Variants in DYTN observed in about 807,000 individuals in gnomAD.
The protein encoded by DYTN is dystrotelin.
In DYTN, 75 loss-of-function variants were observed where a neutral mutation model predicts 69.6. That is an observed-to-expected ratio of 1.08 (90% CI 0.89 to 1.31). The LOEUF (loss-of-function observed/expected upper bound fraction) is 1.31. DYTN is among the 50% of genes most tolerant of loss of function. DYTN has a pLI of 0.00. For synonymous variants in DYTN, 252 were observed against 249.1 expected (o/e 1.01, Z -0.11); for missense variants, 726 against 688.4 (o/e 1.05, Z -0.61).
Position 206,697,743 on chromosome 2 carries a change from T to A in DYTN, c.719+1984A>T, listed in dbSNP as rs913026375. Among the ~76,000 whole-genome samples, 15 of 152,318 alleles carry A rather than the reference T, an allele frequency of 9.8e-5. No homozygotes were observed. The East Asian group carries it at 2.5e-3, about 25-fold the overall frequency. ...TAGCTCTTTGTATATAGGACACCTG[T>A]TTATTGCCTTGGATGCATAAGGGGA... On this transcript the variant is annotated intron_variant, in intron 7 of 11. Coordinates refer to ENST00000452335, the MANE Select transcript of DYTN (RefSeq NM_001093730.1).
intron 9 of DYTN, among the ~76,000 whole-genome samples, chr2:206,680,448 C>T (rs1203391574): frequency 1.3e-5 from 2 of 152,120 alleles, no homozygotes; most frequent in Non-Finnish European, 2.9e-5. Context: ...TTACAAACAT[C>T]AATATGTATT....
chr2:206,714,587 C>T (rs1230791830), intron 1 of DYTN, among the ~76,000 whole-genome samples: 6 of 152,140 alleles, frequency 3.9e-5, no homozygotes, highest in African/African-American at 7.2e-5. Context: ...TTCCTGGAGG[C>T]GGAGAGAGGC....
At chr2:206,664,587 A>G (rs553188897) in intron 10 of DYTN, among the ~76,000 whole-genome samples, 1 of 152,284 alleles carries the variant, frequency 6.6e-6, no homozygotes, top group East Asian at 1.9e-4. Context: ...CTTGAGCCCC[A>G]GGAGTTCGAG....
intron 9 of DYTN, among the ~76,000 whole-genome samples, chr2:206,673,846 T>C (rs1198602217): frequency 6.6e-6 from 1 of 152,198 alleles, no homozygotes; most frequent in African/African-American, 2.4e-5. Flanking sequence ...CCCATTCTTT[T>C]GGGACAACAG....
At chr2:206,712,836 A>G (rs1700089838) in intron 1 of DYTN, among the ~76,000 whole-genome samples, 1 of 152,262 alleles carries the variant, frequency 6.6e-6, no homozygotes, top group Admixed American at 6.5e-5. Context: ...AGAGGTGGGT[A>G]CATACCAAAG....
Position 206,689,502 on chromosome 2 carries a change from A to T in DYTN, c.980+3673T>A, listed in dbSNP as rs745892412. ...CATAAGAATGTTATTTTGGGGAACA[A>T]CTCTACTGTACTTGGGGTGGACAGA... On this transcript the variant is annotated intron_variant, in intron 9 of 11. Coordinates refer to ENST00000452335, the MANE Select transcript of DYTN (RefSeq NM_001093730.1). Among the ~76,000 whole-genome samples the T allele has an allele frequency of 3.3e-4, 50 of 152,166 alleles. 1 individual carries two copies. Among genetic ancestry groups the T allele is most frequent in the Non-Finnish European group, 5.6e-4 (38 of 68,016 alleles).
chr2:206,687,732 T>C (rs1303097039), intron 9 of DYTN, among the ~76,000 whole-genome samples: 1 of 152,184 alleles, frequency 6.6e-6, no homozygotes, highest in African/African-American at 2.4e-5. Flanking sequence ...TAGCCAATTA[T>C]GCATTATTTT....
At chr2:206,664,488 C>A (rs1699546098) in intron 10 of DYTN, among the ~76,000 whole-genome samples, 1 of 151,886 alleles carries the variant, frequency 6.6e-6, no homozygotes, top group African/African-American at 2.4e-5. Flanking sequence ...GAGACCCCCT[C>A]CCTACAAAAA....
At chr2:206,658,090 CTT>C (rs763668522) in intron 11 of DYTN, among the ~76,000 whole-genome samples, 8 of 151,840 alleles carry the variant, frequency 5.3e-5, no homozygotes, top group Non-Finnish European at 7.4e-5. Context: ...AATGATCTGT[CTT>C]TGGGTTTGCT....
chr2:206,680,411 T>C (rs1427061832), intron 9 of DYTN, among the ~76,000 whole-genome samples: 1 of 152,204 alleles, frequency 6.6e-6, no homozygotes, highest in Non-Finnish European at 1.5e-5. Flanking sequence ...CCATATCATA[T>C]ACACATCATT....
intron 8 of DYTN, 137 bp downstream of exon 8, chr2:206,694,629 C>A: frequency 3.7e-6 from 2 of 544,146 alleles, no homozygotes; most frequent in Non-Finnish European, 6.0e-6. Flanking sequence ...GTGGAGTTTG[C>A]CACTTGCTTA....
intron 11 of DYTN, among the ~76,000 whole-genome samples, chr2:206,659,465 C>G (rs1034667192): frequency 7.4e-6 from 1 of 135,436 alleles, no homozygotes; most frequent in Non-Finnish European, 1.5e-5. Context: ...TGAGCCACCA[C>G]GCCGGGCCCA....
At chr2:206,683,716 C>A (rs1699776517) in intron 9 of DYTN, among the ~76,000 whole-genome samples, 1 of 152,018 alleles carries the variant, frequency 6.6e-6, no homozygotes, top group South Asian at 2.1e-4. Context: ...TCTTTGAATC[C>A]ATTAAAATTA....
chr2:206,685,696 G>T (rs548505907), intron 9 of DYTN, among the ~76,000 whole-genome samples: 1 of 152,126 alleles, frequency 6.6e-6, no homozygotes, highest in Admixed American at 6.5e-5. Flanking sequence ...CTGGGGAGAG[G>T]AGCCTTCACC....
At position 206,663,299 on chromosome 2, in the gene DYTN, C is replaced by A; in HGVS notation, c.1237G>T (p.Asp413Tyr). ...GTGGCATTCTTGATCTGCAAATAAT[C>A]CCCTCCCTTTGGAACCTTTTCAGTT... ...SSTEKVPKGG[D>Y]YLQIKNATED... Residue 413 changes from aspartate (D) to tyrosine (Y), a missense_variant, in exon 11 of 12, where the codon GAT becomes TAT. Asp to Tyr is a radical substitution (Grantham distance 160). Transcript: ENST00000452335. The A allele has an allele frequency of 1.2e-6, 2 of 1,614,006 alleles. No homozygotes were observed. Among genetic ancestry groups the A allele is most frequent in the Non-Finnish European group, 1.7e-6 (2 of 1,179,888 alleles).
chr2:206,652,206 G>A (rs1699395575), intron 11 of DYTN, among the ~76,000 whole-genome samples: 1 of 152,194 alleles, frequency 6.6e-6, no homozygotes, highest in Non-Finnish European at 1.5e-5. Context: ...AAATTCTGTT[G>A]TATATAAAAA....
chr2:206,697,250 GC>G (rs1699929485), intron 7 of DYTN, among the ~76,000 whole-genome samples: 2 of 152,218 alleles, frequency 1.3e-5, no homozygotes, highest in South Asian at 4.2e-4. Flanking sequence ...AATGAGATTG[GC>G]CTGTTGTTGA....
chr2:206,653,725 A>G (rs375761671), intron 11 of DYTN, among the ~76,000 whole-genome samples: 123 of 152,366 alleles, frequency 8.1e-4, no homozygotes, highest in African/African-American at 2.6e-3. Context: ...CTTGAGCTCC[A>G]GATTGTACAT....
intron 10 of DYTN, among the ~76,000 whole-genome samples, chr2:206,665,605 G>T (rs1048262241): frequency 6.6e-6 from 1 of 152,076 alleles, no homozygotes; most frequent in African/African-American, 2.4e-5. Flanking sequence ...GAGATCAAAA[G>T]GTTAAAAAAC....
Sources: allele counts gnomAD v4.1 joint callset (sites outside exome capture counted in the v4.1 genomes callset), GRCh38; gene constraint gnomAD v4.1.1; transcripts MANE v1.5; gene names NCBI Gene and HGNC (gene_info 2026-07-23, HGNC 2026-07-21).